Variants in ABHD6 observed in about 807,000 individuals in gnomAD.
ABHD6 encodes monoacylglycerol lipase ABHD6.
In ABHD6, 33 loss-of-function variants were observed where a neutral mutation model predicts 38.8. The observed-to-expected ratio is 0.85, with a 90% CI of 0.64 to 1.14. The LOEUF (loss-of-function observed/expected upper bound fraction) is 1.14. ABHD6 is among the 50% of genes most tolerant of loss of function. ABHD6 has a pLI of 0.00. For missense variants in ABHD6, 380 were observed against 422.6 expected (o/e 0.90, Z 0.88); for synonymous variants, 147 against 161.6 (o/e 0.91, Z 0.69).
chr3:58,244,639 C>T (rs898514118), intron 1 of ABHD6, among the ~76,000 whole-genome samples: 1 of 151,954 alleles, frequency 6.6e-6, no homozygotes, highest in Non-Finnish European at 1.5e-5. Flanking sequence ...TGGTGCATGC[C>T]TGTGGTCCCA....
intron 1 of ABHD6, among the ~76,000 whole-genome samples, chr3:58,245,595 A>G (rs1333196656): frequency 1.3e-5 from 2 of 152,122 alleles, no homozygotes; most frequent in Non-Finnish European, 2.9e-5. Context: ...CCTGGCCAAC[A>G]TGGCAAAACC....
At position 58,287,576 on chromosome 3, in the gene ABHD6, G is replaced by C. The variant is rs1305040988; in HGVS notation, c.837+2123G>C. Among the ~76,000 whole-genome samples, 3 of 152,230 alleles carry C rather than the reference G, an allele frequency of 2.0e-5. No homozygotes were observed. Among genetic ancestry groups the C allele is most frequent in the African/African-American group, 4.8e-5 (2 of 41,466 alleles). ...CTCTCTTCTGCAGCGCCAAGGGACT[G>C]AAAGAAGCTTTGTTTGTGCCCTGGG... is the stretch of plus-strand genomic sequence containing the variant. On this transcript the variant is annotated intron_variant, in intron 9 of 9. Transcript: ENST00000478253. This position sits in a 1 kb window ranked among gnomAD's most constrained non-coding sequence, Gnocchi z 4.7.
At position 58,293,860 on chromosome 3, in the gene ABHD6, G is replaced by T; in HGVS notation, c.*95G>T. ...CTCTCAGGGATCCTGCCCCAAATGC[G>T]GTCGGAGCGCCAGTGACCCTGAGGA... On this transcript the variant is annotated 3_prime_UTR_variant, in exon 10 of 10. Coordinates refer to ENST00000478253, the MANE Select transcript of ABHD6 (RefSeq NM_001320126.2). This position sits in a 1 kb window ranked among gnomAD's most constrained non-coding sequence, Gnocchi z 4.4. The T allele has an allele frequency of 7.0e-7, 1 of 1,434,110 alleles. No individual in the cohort carries two copies. Among genetic ancestry groups the T allele is most frequent in the Non-Finnish European group, 9.4e-7 (1 of 1,060,892 alleles). The allele number at this position is 1,434,110 out of a possible 1,614,324, so 88.8% of individuals were successfully genotyped here.
At chr3:58,288,658 G>A (rs1428430280) in intron 9 of ABHD6, among the ~76,000 whole-genome samples, 1 of 152,124 alleles carries the variant, frequency 6.6e-6, no homozygotes, top group Non-Finnish European at 1.5e-5. Flanking sequence ...CATTTATTGA[G>A]CACCTAGTAT....
chr3:58,257,160 G>T lies in ABHD6; in HGVS notation c.119+455G>T, dbSNP rs1032150953. On this transcript the variant is annotated intron_variant, in intron 3 of 9. Transcript: ENST00000478253. This position sits in a 1 kb window ranked among gnomAD's most constrained non-coding sequence, Gnocchi z 4.8. ...TGGCCTCAAGTGATCTTCCCATCTT[G>T]CCTCTCTAAGTGCTGGGATTACAGG... 3.9e-5 allele frequency among the ~76,000 whole-genome samples: 6 copies of T among 151,972 alleles called. No homozygotes were observed. The highest frequency in any genetic ancestry group is 1.5e-4 in the African/African-American group (6 of 41,376).
chr3:58,285,148 C>G lies in ABHD6; in HGVS notation c.736+9C>G, dbSNP rs746675343. 2.5e-6 allele frequency: 4 copies of G among 1,613,540 alleles called. No homozygotes were observed. The Admixed American group carries it at 5.0e-5, about 20-fold the overall frequency. On this transcript the variant is annotated intron_variant, in intron 8 of 9. Coordinates refer to ENST00000478253, the MANE Select transcript of ABHD6 (RefSeq NM_001320126.2). The surrounding 1 kb of genome is among the most constrained non-coding windows in gnomAD (Gnocchi z 4.9). ...CAACTTCTACCGAAAGTGTAAGTAG[C>G]CCTACTTTCAGCTTGGAGCTTGTTA...
Position 58,256,839 on chromosome 3 carries a change from C to T in ABHD6, c.119+134C>T, listed in dbSNP as rs1027226469. On this transcript the variant is annotated intron_variant, in intron 3 of 9. Coordinates refer to ENST00000478253, the MANE Select transcript of ABHD6 (RefSeq NM_001320126.2). The surrounding 1 kb of genome is among the most constrained non-coding windows in gnomAD (Gnocchi z 4.3). ...ACAGAGAGAAAAGTTGAAAGGTACT[C>T]ATCCTGTTTGGAATTTTGGGAATGC... 39 of 742,584 alleles carry T rather than the reference C, an allele frequency of 5.3e-5. No individual in the cohort carries two copies. The Admixed American group carries it at 9.2e-4, about 18-fold the overall frequency. 46.0% of individuals were successfully genotyped at this position (742,584 alleles called of 1,614,324 possible).
Position 58,291,957 on chromosome 3 carries a change from C to T in ABHD6, c.838-1632C>T, listed in dbSNP as rs146683032. The stretch of plus-strand genomic sequence containing the variant: ...AGAGCGAGACCCTGTCTCAAAAAAA[C>T]AAAAAAAGACACTCAGTTGGGAGTT... On this transcript the variant is annotated intron_variant, in intron 9 of 9. Transcript: ENST00000478253. Among the ~76,000 whole-genome samples, 1,191 of 150,598 alleles carry T rather than the reference C, an allele frequency of 7.9e-3. 17 individuals are homozygous for T. The highest frequency in any genetic ancestry group is 0.028 in the African/African-American group (1,111 of 40,012).
intron 1 of ABHD6, among the ~76,000 whole-genome samples, chr3:58,246,646 G>A (rs2097426590): frequency 6.6e-6 from 1 of 152,212 alleles, no homozygotes; most frequent in African/African-American, 2.4e-5. Context: ...AGTTGTCAGA[G>A]TTTTGGTGCA....
At chr3:58,281,539 C>T (rs954474858) in intron 7 of ABHD6, among the ~76,000 whole-genome samples, 1 of 152,212 alleles carries the variant, frequency 6.6e-6, no homozygotes. Context: ...TCCCCCGACC[C>T]CTTGCACTTC....
rs1456363610 is a variant in ABHD6, at chr3:58,287,425, A to T, written c.837+1972A>T. On this transcript the variant is annotated intron_variant, in intron 9 of 9. Transcript: ENST00000478253. This position sits in a 1 kb window ranked among gnomAD's most constrained non-coding sequence, Gnocchi z 4.7. ...ATGACCCAGGCAGGAGAGAGTGGGG[A>T]GGAGCAGCCAGGCTGTGCCCATGGC... Among the ~76,000 whole-genome samples, 1 of 152,078 alleles carries T rather than the reference A, an allele frequency of 6.6e-6. No individual in the cohort carries two copies. The highest frequency in any genetic ancestry group is 1.5e-5 in the Non-Finnish European group (1 of 68,010).
At chr3:58,242,537 G>A (rs1309627634) in intron 1 of ABHD6, among the ~76,000 whole-genome samples, 2 of 152,202 alleles carry the variant, frequency 1.3e-5, no homozygotes, top group African/African-American at 4.8e-5. Flanking sequence ...TGCAGGGAGT[G>A]GTTTCTTCTC....
chr3:58,276,997 T>A (rs2097449214), intron 7 of ABHD6, among the ~76,000 whole-genome samples: 1 of 152,258 alleles, frequency 6.6e-6, no homozygotes, highest in Non-Finnish European at 1.5e-5. Flanking sequence ...ACCAGTACCA[T>A]GCTGTTTTGA....
At position 58,269,452 on chromosome 3, in the gene ABHD6, C is replaced by A. The variant is rs199937426; in HGVS notation, c.390+18C>A. 5 of 1,583,088 alleles carry A rather than the reference C, an allele frequency of 3.2e-6. No individual in the cohort carries two copies. The highest frequency in any genetic ancestry group is 2.2e-5 in the East Asian group (1 of 44,672). ...TACACCAGGTAAGCAGGAGGCTCTA[C>A]CAAAGATTGCCCAGACTGTCTCAGC... On this transcript the variant is annotated intron_variant, in intron 5 of 9. Coordinates refer to ENST00000478253, the MANE Select transcript of ABHD6 (RefSeq NM_001320126.2). This position sits in a 1 kb window ranked among gnomAD's most constrained non-coding sequence, Gnocchi z 4.4.
intron 3 of ABHD6, among the ~76,000 whole-genome samples, chr3:58,264,957 A>G (rs1575522015): frequency 6.6e-6 from 1 of 152,154 alleles, no homozygotes; most frequent in Admixed American, 6.6e-5. Flanking sequence ...TATTGACTAT[A>G]GTCACCGTAT....
At chr3:58,239,503 T>C (rs1322026193) in intron 1 of ABHD6, among the ~76,000 whole-genome samples, 2 of 152,196 alleles carry the variant, frequency 1.3e-5, no homozygotes, top group Admixed American at 6.5e-5. Context: ...TATGAGACTT[T>C]CTCTATTTTC....
In ABHD6 at chr3:58,269,452, C is replaced by T. The variant is rs199937426; in HGVS notation, c.390+18C>T. On this transcript the variant is annotated intron_variant, in intron 5 of 9. Coordinates refer to ENST00000478253, the MANE Select transcript of ABHD6 (RefSeq NM_001320126.2). This position sits in a 1 kb window ranked among gnomAD's most constrained non-coding sequence, Gnocchi z 4.4. ...TACACCAGGTAAGCAGGAGGCTCTA[C>T]CAAAGATTGCCCAGACTGTCTCAGC... The T allele has an allele frequency of 1.1e-5, 18 of 1,583,090 alleles. No individual in the cohort carries two copies. Among genetic ancestry groups the T allele is most frequent in the Admixed American group, 3.4e-5 (2 of 59,608 alleles).
At chr3:58,239,178 A>T (rs2097421158) in intron 1 of ABHD6, among the ~76,000 whole-genome samples, 1 of 151,458 alleles carries the variant, frequency 6.6e-6, no homozygotes, top group Admixed American at 6.6e-5. Flanking sequence ...ACAAATTCTT[A>T]TCAAGAACAT....
chr3:58,254,499 A>C (rs1005337812), intron 2 of ABHD6, among the ~76,000 whole-genome samples: 4 of 152,212 alleles, frequency 2.6e-5, no homozygotes, highest in African/African-American at 9.6e-5. Context: ...CCTTGTGCTT[A>C]GTGGTCGAGA....
Sources: allele counts gnomAD v4.1 joint callset (sites outside exome capture counted in the v4.1 genomes callset), GRCh38; gene constraint gnomAD v4.1.1; non-coding constraint Gnocchi (gnomAD v3.1); transcripts MANE v1.5; gene names NCBI Gene and HGNC (gene_info 2026-07-23, HGNC 2026-07-21).